Variants in STAU1 observed in about 807,000 individuals in gnomAD.
STAU1 encodes double-stranded RNA-binding protein Staufen homolog 1.
STAU1 carries 13 observed loss-of-function variants against 62.9 expected under a neutral mutation model. The observed-to-expected ratio is 0.21, with a 90% confidence interval of 0.13 to 0.33. STAU1 has a LOEUF of 0.33. Among genes scored for constraint, STAU1 ranks in the 10% least tolerant of loss-of-function variants. The probability of loss-of-function intolerance (pLI) is 1.00; values close to 1 mark genes in which losing one functional copy is unlikely to be tolerated. For synonymous variants in STAU1, 269 were observed against 265.1 expected, an observed-to-expected ratio of 1.01 and a Z score of -0.14; for missense variants, 571 against 712.1, an observed-to-expected ratio of 0.80 and a Z score of 2.25.
chr20:49,188,551 G>T (rs1448247899), upstream of STAU1, among the ~76,000 whole-genome samples: 5 of 152,296 alleles, frequency 3.3e-5, no homozygotes, highest in East Asian at 9.7e-4. Context: ...GCAGCGGCCC[G>T]TCCTGAGTCC....
chr20:49,124,390 T>C lies in STAU1; in HGVS notation c.807A>G (p.Thr269=), dbSNP rs147698204. ...ERVKPRIKKK[T]KPIVKPQTSP... is the part of the protein sequence containing the mutation. Reference sequence around the variant, plus strand: ...AAGTTCTCACCTTGACTATGGGTTTTGTTTTCTTTTTGATTCTAGGCTTTA... The same window carrying C: ...AAGTTCTCACCTTGACTATGGGTTTCGTTTTCTTTTTGATTCTAGGCTTTA... Residue 269 remains threonine (T), a synonymous_variant, in exon 7 of 14, where the codon ACA becomes ACG. Transcript: ENST00000371856. 5.1e-4 allele frequency: 823 copies of C among 1,614,008 alleles called. 3 individuals carry two copies. The highest frequency in any genetic ancestry group is 3.7e-4 in the Non-Finnish European group (436 of 1,180,012).
chr20:49,179,447 CTT>C (rs2093698351), intron 1 of STAU1, among the ~76,000 whole-genome samples: 1 of 152,290 alleles, frequency 6.6e-6, no homozygotes, highest in Non-Finnish European at 1.5e-5. Context: ...CAAAAGGAAA[CTT>C]ATTTGCCTAA....
chr20:49,185,684 A>ATT (rs571899014), intron 1 of STAU1, among the ~76,000 whole-genome samples: 25 of 152,186 alleles, frequency 1.6e-4, no homozygotes, highest in Non-Finnish European at 3.2e-4. Context: ...ATGAGTTAAT[A>ATT]ATTGTCAAAG....
intron 6 of STAU1, among the ~76,000 whole-genome samples, chr20:49,133,005 T>TA (rs1289484978): frequency 6.6e-6 from 1 of 152,142 alleles, no homozygotes; most frequent in African/African-American, 2.4e-5. Flanking sequence ...TGCAAGCTAG[T>TA]AAAAAATTCC....
At chr20:49,138,469 A>C (rs1310005083) in intron 5 of STAU1, among the ~76,000 whole-genome samples, 1 of 152,036 alleles carries the variant, frequency 6.6e-6, no homozygotes, top group Non-Finnish European at 1.5e-5. Context: ...AACTACTTTC[A>C]TAGCACTTGT....
chr20:49,195,931 A>AG, the STAU1 span, among the ~76,000 whole-genome samples: 1 of 147,922 alleles, frequency 6.8e-6, no homozygotes, highest in Non-Finnish European at 1.5e-5. Flanking sequence ...AAAAGAAAAA[A>AG]AAAAAACAAA....
At chr20:49,207,712 G>A in the STAU1 span, among the ~76,000 whole-genome samples, 1 of 150,900 alleles carries the variant, frequency 6.6e-6, no homozygotes, top group Non-Finnish European at 1.5e-5. Flanking sequence ...AGTAGAGACA[G>A]GCTTTCACTG....
At chr20:49,195,904 A>AAAAAAAAAAAAAAAAAAG in the STAU1 span, among the ~76,000 whole-genome samples, 2 of 95,276 alleles carry the variant, frequency 2.1e-5, no homozygotes, top group Non-Finnish European at 2.3e-5. Flanking sequence ...CTCTCAAAAA[A>AAAAAAAAAAAAAAAAAAG]AAAAAAAAAA....
At chr20:49,137,248 G>A (rs1009026999) in intron 5 of STAU1, among the ~76,000 whole-genome samples, 1 of 152,108 alleles carries the variant, frequency 6.6e-6, no homozygotes, top group Non-Finnish European at 1.5e-5. Flanking sequence ...CATACTCAAC[G>A]GCTGTTGGCA....
At chr20:49,142,078 C>A (rs532419220) in intron 5 of STAU1, among the ~76,000 whole-genome samples, 125 of 151,790 alleles carry the variant, frequency 8.2e-4, no homozygotes, top group Non-Finnish European at 1.6e-3. Context: ...ACAACAACAA[C>A]AAATATTTAT....
the STAU1 span, among the ~76,000 whole-genome samples, chr20:49,193,729 G>C: frequency 6.6e-6 from 1 of 152,212 alleles, no homozygotes; most frequent in South Asian, 2.1e-4. Context: ...AGCACTTTGG[G>C]AGGCCAAGGC....
At chr20:49,158,922 A>C (rs1473379053) in intron 3 of STAU1, 2 of 1,240,022 alleles carry the variant, frequency 1.6e-6, no homozygotes, top group East Asian at 1.2e-4. Flanking sequence ...TAAATAAATA[A>C]ATAAATAATC....
the STAU1 span, among the ~76,000 whole-genome samples, chr20:49,208,132 T>C: frequency 1.3e-5 from 2 of 152,198 alleles, no homozygotes; most frequent in Admixed American, 1.3e-4. Flanking sequence ...CCATCTCAGC[T>C]CACTGCAACC....
intron 1 of STAU1, among the ~76,000 whole-genome samples, chr20:49,181,167 C>A (rs1263941784): frequency 6.6e-6 from 1 of 152,188 alleles, no homozygotes; most frequent in East Asian, 1.9e-4. Flanking sequence ...AAACCCTTTT[C>A]TTTGGTTCAA....
At chr20:49,172,973 G>A (rs1191587926) in intron 2 of STAU1, among the ~76,000 whole-genome samples, 1 of 139,556 alleles carries the variant, frequency 7.2e-6, no homozygotes, top group Non-Finnish European at 1.6e-5. Flanking sequence ...TGCCTCCCGG[G>A]TTCACGCCAT....
chr20:49,140,046 C>G (rs1329992424), intron 5 of STAU1, among the ~76,000 whole-genome samples: 1 of 150,762 alleles, frequency 6.6e-6, no homozygotes, highest in Non-Finnish European at 1.5e-5. Context: ...ATTAGCTGAG[C>G]GTGGTGACGC....
chr20:49,131,192 C>T (rs2092740782), intron 6 of STAU1, among the ~76,000 whole-genome samples: 1 of 152,142 alleles, frequency 6.6e-6, no homozygotes, highest in African/African-American at 2.4e-5. Context: ...TGTCATGAAA[C>T]ACAGAGAAAG....
chr20:49,218,862 T>C, the STAU1 span, among the ~76,000 whole-genome samples: 7 of 151,464 alleles, frequency 4.6e-5, no homozygotes, highest in East Asian at 1.4e-3. Flanking sequence ...GGCAACATGG[T>C]GAAACTCCGC....
At chr20:49,173,364 G>A (rs1479212477) in intron 2 of STAU1, among the ~76,000 whole-genome samples, 1 of 152,100 alleles carries the variant, frequency 6.6e-6, no homozygotes, top group African/African-American at 2.4e-5. Flanking sequence ...GGCTGAGGCA[G>A]GAGAACTGCT....
Sources: allele counts gnomAD v4.1 joint callset (sites outside exome capture counted in the v4.1 genomes callset), GRCh38; gene constraint gnomAD v4.1.1; transcripts MANE v1.5; gene names NCBI Gene and HGNC (gene_info 2026-07-23, HGNC 2026-07-21).